SCRIB: variants seen among roughly 807,000 people sequenced by gnomAD.
SCRIB encodes the protein scribble planar cell polarity protein.
A neutral mutation model predicts 170.0 loss-of-function variants in SCRIB; 72 were observed. The observed-to-expected ratio is 0.42, with a 90% CI of 0.35 to 0.52. The LOEUF is 0.52. Among genes scored for constraint, SCRIB ranks in the 20% least tolerant of loss-of-function variants. The probability of loss-of-function intolerance (pLI) is 0.02; values close to 1 mark genes in which losing one functional copy is unlikely to be tolerated. For synonymous variants in SCRIB, 1,298 were observed against 1,044.3 expected, an observed-to-expected ratio of 1.24 and a Z score of -4.68; for missense variants, 2,475 against 2,338.5, an observed-to-expected ratio of 1.06 and a Z score of -1.20.
intron 35 of SCRIB, 34 bp from the exon 36 acceptor site, chr8:143,791,474 C>T: frequency 1.2e-6 from 2 of 1,604,848 alleles, no homozygotes; most frequent in Non-Finnish European, 1.7e-6. Context: ...AGGCCGGTGC[C>T]AGCCCTGCCC....
At position 143,808,469 on chromosome 8, in the gene SCRIB, T is replaced by C. The variant is rs931349528; in HGVS notation, c.2115+140A>G. On this transcript the variant is annotated intron_variant, in intron 15 of 36. Coordinates refer to ENST00000356994, the MANE Select transcript of SCRIB (RefSeq NM_182706.5). ...TGGTGAGAGTGGCCGTGATGCCGAC[T>C]GTGGAGCACACGTGTCCACCACCTT... is the stretch of plus-strand genomic sequence containing the variant. 6.9e-6 allele frequency: 7 copies of C among 1,008,704 alleles called. No individual in the cohort carries two copies. The African/African-American group carries it at 9.9e-5, about 14-fold the overall frequency. 62.5% of individuals were successfully genotyped at this position (1,008,704 alleles called of 1,614,324 possible). A position where few individuals can be genotyped will look rare whatever the true frequency, so the allele number is the denominator to read the frequency against.
At chr8:143,804,484 A>C in intron 21 of SCRIB, 84 bp downstream of exon 21, 1 of 1,380,222 alleles carries the variant, frequency 7.2e-7, no homozygotes. Flanking sequence ...AGTGGGCCGC[A>C]AGGCCATAAG....
chr8:143,812,596 G>A (rs775939732), intron 8 of SCRIB, among the ~76,000 whole-genome samples: 5 of 152,020 alleles, frequency 3.3e-5, no homozygotes, highest in Admixed American at 6.5e-5. Flanking sequence ...CCACCCTTCC[G>A]CCCTCACAGA....
chr8:143,801,447 G>A (rs1815167214), intron 24 of SCRIB, among the ~76,000 whole-genome samples: 1 of 152,196 alleles, frequency 6.6e-6, no homozygotes, highest in African/African-American at 2.4e-5. Flanking sequence ...CAGTAGGGAA[G>A]ATCTTCCCAA....
At chr8:143,800,791 G>A (rs115850550) in intron 24 of SCRIB, among the ~76,000 whole-genome samples, 3,392 of 152,334 alleles carry the variant, frequency 0.022, 126 homozygotes, top group African/African-American at 0.078. Flanking sequence ...TGGGAGGATC[G>A]CTTGAGCCCG....
chr8:143,801,892 GT>G (rs1815188108), intron 24 of SCRIB, among the ~76,000 whole-genome samples: 1 of 152,194 alleles, frequency 6.6e-6, no homozygotes, highest in African/African-American at 2.4e-5. Context: ...ATACCGACAT[GT>G]CACGGCAGGC....
rs377221385 is a variant in SCRIB at position 143,812,305 on chromosome 8, C to T, written c.867G>A (p.Glu289=). ...CCGTGAGGATCAGCTCAGAGAGGTTCTCACAGTCCCCGATGGCCTCGGTCA... is the reference window on the plus strand; with the variant it reads ...CCGTGAGGATCAGCTCAGAGAGGTTTTCACAGTCCCCGATGGCCTCGGTCA... ...CEVTEAIGDC[E]NLSELILTEN... The change falls in exon 9 of 37, where the codon GAG becomes GAA. Residue 289 remains glutamate, a synonymous_variant. Coordinates refer to ENST00000356994, the MANE Select transcript of SCRIB (RefSeq NM_182706.5). 5.0e-6 allele frequency: 8 copies of T among 1,613,554 alleles called. No individual in the cohort carries two copies. The highest frequency in any genetic ancestry group is 6.8e-6 in the Non-Finnish European group (8 of 1,179,528).
chr8:143,804,925 C>T lies in SCRIB; in HGVS notation c.2751+9G>A. On this transcript the variant is annotated intron_variant, in intron 20 of 36. Transcript: ENST00000356994. ...TGGGTGGGTGGGGCGGGGCCCCATC[C>T]CCACTCACAGAGAGGACGCGGTCGC... is the stretch of plus-strand genomic sequence containing the variant. 6.5e-7 allele frequency: 1 copy of T among 1,545,386 alleles called. No homozygotes were observed. Among genetic ancestry groups the T allele is most frequent in the Non-Finnish European group, 8.7e-7 (1 of 1,151,626 alleles).
At chr8:143,806,125 C>A (rs1347259088) in intron 18 of SCRIB, among the ~76,000 whole-genome samples, 2 of 152,122 alleles carry the variant, frequency 1.3e-5, no homozygotes, top group Non-Finnish European at 2.9e-5. Flanking sequence ...CAGCTGCTGC[C>A]CTACCCACTG....
chr8:143,811,062 G>A lies in SCRIB; in HGVS notation c.1117C>T (p.Leu373=), dbSNP rs1815693857. 6.2e-7 allele frequency: 1 copy of A among 1,611,708 alleles called. No individual in the cohort carries two copies. The highest frequency in any genetic ancestry group is 1.3e-5 in the African/African-American group (1 of 74,930). The change falls in exon 11 of 37, where the codon CTG becomes TTG. Residue 373 remains leucine (L), a synonymous_variant. Coordinates refer to ENST00000356994, the MANE Select transcript of SCRIB (RefSeq NM_182706.5). The part of the protein sequence containing the change: ...LDVAGNRLQS[L]PFALTHLNLK... ...TTGAGGTGGGTGAGCGCGAACGGCA[G>A]ACTCTGCAGGCTGCGGGCCGGGCGG...
In SCRIB at chr8:143,815,197, T is replaced by G. The variant is rs752645152; in HGVS notation, c.159+17A>C. ...TGGGGGCGCGCCTTTGGGCGGCAGG[T>G]GCGGGCGGCCGCTCACCTTGGGCAG... is the stretch of plus-strand genomic sequence containing the variant. On this transcript the variant is annotated intron_variant, in intron 1 of 36. Coordinates refer to ENST00000356994, the MANE Select transcript of SCRIB (RefSeq NM_182706.5). 2 of 1,552,868 alleles carry G rather than the reference T, an allele frequency of 1.3e-6. No homozygotes were observed. Among genetic ancestry groups the G allele is most frequent in the Non-Finnish European group, 1.7e-6 (2 of 1,156,746 alleles).
intron 26 of SCRIB, 40 bp from the exon 27 acceptor site, chr8:143,795,152 C>T (rs782272779): frequency 1.5e-5 from 24 of 1,603,394 alleles, no homozygotes; most frequent in East Asian, 2.2e-5. Context: ...GGGGTAGCTC[C>T]GTGGCAGCAC....
chr8:143,807,477 G>T (rs1815480415), intron 16 of SCRIB, 75 bp downstream of exon 16: 1 of 1,170,596 alleles, frequency 8.5e-7, no homozygotes, highest in Non-Finnish European at 1.3e-6. Flanking sequence ...CAGGGGCGGG[G>T]AGAGGCGTGA....
chr8:143,812,224 C>T, intron 9 of SCRIB, 42 bp downstream of exon 9: 2 of 1,294,096 alleles, frequency 1.5e-6, no homozygotes, highest in African/African-American at 1.5e-5. Context: ...GTTCTGCACC[C>T]CCGACGGCCC....
At chr8:143,795,198 G>T in intron 26 of SCRIB, 79 bp downstream of exon 26, 2 of 1,596,576 alleles carry the variant, frequency 1.3e-6, no homozygotes, top group Non-Finnish European at 1.7e-6. Flanking sequence ...GGTCCTGGGG[G>T]TTACTACCCA....
chr8:143,809,667 C>T lies in SCRIB; in HGVS notation c.1582G>A (p.Ala528Thr). Residue 528 changes from alanine (A) to threonine (T), a missense_variant, in exon 14 of 37, where the codon GCC (alanine) becomes ACC (threonine). By Grantham distance (58) the Ala-to-Thr change is moderately conservative (BLOSUM62 0). Transcript: ENST00000356994. ...SGLSEDSRPS[A>T]STVSEAEPEG... ...GGCTCAGCCTCAGAGACTGTGCTGG[C>T]AGATGGGCGAGAGTCTTCACTCAGG... 6.2e-7 allele frequency: 1 copy of T among 1,611,180 alleles called. No individual in the cohort carries two copies. The highest frequency in any genetic ancestry group is 8.5e-7 in the Non-Finnish European group (1 of 1,179,918).
chr8:143,815,723 C>T lies in SCRIB; in HGVS notation c.-351G>A. ...GGAACCGCCGCTGCCCGCCGGACTGCCCCGCCGACACCCACCCGGCCGCCG... is the reference window on the plus strand; with the variant it reads ...GGAACCGCCGCTGCCCGCCGGACTGTCCCGCCGACACCCACCCGGCCGCCG... On this transcript the variant is annotated 5_prime_UTR_variant, in exon 1 of 37. Transcript: ENST00000356994. 2.0e-6 allele frequency: 2 copies of T among 984,092 alleles called. No homozygotes were observed. The highest frequency in any genetic ancestry group is 2.4e-6 in the Non-Finnish European group (2 of 829,482). 61.0% of individuals were successfully genotyped at this position (984,092 alleles called of 1,614,324 possible). A position where few individuals can be genotyped will look rare whatever the true frequency, so the allele number is the denominator to read the frequency against.
chr8:143,804,451 G>T, intron 21 of SCRIB, 117 bp downstream of exon 21: 2 of 1,119,100 alleles, frequency 1.8e-6, no homozygotes, highest in Non-Finnish European at 2.4e-6. Context: ...GGGAAAGGGC[G>T]AGCAGGCCGG....
chr8:143,796,455 G>C (rs572447290), intron 24 of SCRIB, among the ~76,000 whole-genome samples: 7 of 152,186 alleles, frequency 4.6e-5, no homozygotes, highest in Admixed American at 3.9e-4. Context: ...GGCAGGCAAA[G>C]AGATGCCAGG....
Sources: allele counts gnomAD v4.1 joint callset (sites outside exome capture counted in the v4.1 genomes callset), GRCh38; gene constraint gnomAD v4.1.1; transcripts MANE v1.5; gene names NCBI Gene and HGNC (gene_info 2026-07-23, HGNC 2026-07-21).